Variants in SLC35D2 observed in about 807,000 individuals in gnomAD.
The protein encoded by SLC35D2 is nucleotide sugar transporter SLC35D2.
In SLC35D2, 43 loss-of-function variants were observed where a neutral mutation model predicts 41.8. The ratio of observed to expected loss-of-function variants is 1.03; its 90% CI spans 0.81 to 1.33. The LOEUF is 1.33. Among genes scored for constraint, SLC35D2 ranks in the 40% most tolerant of loss-of-function variants. The pLI is 0.00. For missense variants in SLC35D2, 380 were observed against 408.4 expected, an observed-to-expected ratio of 0.93 and a Z score of 0.60; for synonymous variants, 150 against 163.9, an observed-to-expected ratio of 0.92 and a Z score of 0.65.
Position 96,360,215 on chromosome 9 carries a change from G to GA in SLC35D2, c.285dup (p.Pro96SerfsTer19). 6.2e-7 allele frequency: 1 copy of GA among 1,609,928 alleles called. No homozygotes were observed. The highest frequency in any genetic ancestry group is 8.5e-7 in the Non-Finnish European group (1 of 1,177,542). ...TTTCCAACGTAGAGGAGAGGCAGAG[G>GA]AAACAGCTTCCATTAAAAAAAAAAG... is the stretch of plus-strand genomic sequence containing the variant. On this transcript the variant is annotated frameshift_variant, in exon 4 of 12. Coordinates refer to ENST00000253270, the MANE Select transcript of SLC35D2 (RefSeq NM_007001.3). LOFTEE classifies it high-confidence loss of function.
intron 2 of SLC35D2, among the ~76,000 whole-genome samples, chr9:96,365,648 C>G (rs929122524): frequency 6.6e-6 from 1 of 151,912 alleles, no homozygotes; most frequent in Non-Finnish European, 1.5e-5. Flanking sequence ...AGAAGACCAA[C>G]AAAGAGGAAA....
chr9:96,326,720 T>A (rs1828548087), intron 9 of SLC35D2, among the ~76,000 whole-genome samples: 1 of 151,134 alleles, frequency 6.6e-6, no homozygotes, highest in Non-Finnish European at 1.5e-5. Flanking sequence ...GCAGGAGAAT[T>A]GCTTGAGCCT....
chr9:96,350,126 C>A (rs1461545042), intron 6 of SLC35D2, among the ~76,000 whole-genome samples: 2 of 152,056 alleles, frequency 1.3e-5, no homozygotes, highest in African/African-American at 4.8e-5. Context: ...AAGTAATAAA[C>A]CTTAGTCTAC....
intron 6 of SLC35D2, among the ~76,000 whole-genome samples, chr9:96,350,251 A>G (rs1347272197): frequency 1.3e-5 from 2 of 151,178 alleles, no homozygotes; most frequent in African/African-American, 4.9e-5. Flanking sequence ...GCTCACTGCA[A>G]CCTCAAACTC....
chr9:96,382,496 C>A (rs866899734), intron 1 of SLC35D2, among the ~76,000 whole-genome samples: 2,174 of 127,774 alleles, frequency 0.017, 27 homozygotes, highest in Middle Eastern at 0.077. Context: ...CACACACACA[C>A]TATATATATA....
intron 8 of SLC35D2, among the ~76,000 whole-genome samples, chr9:96,341,263 G>T (rs1829313355): frequency 6.6e-6 from 1 of 151,944 alleles, no homozygotes; most frequent in Non-Finnish European, 1.5e-5. Flanking sequence ...CTCCAGCCTG[G>T]GTGACAGAGT....
intron 9 of SLC35D2, among the ~76,000 whole-genome samples, chr9:96,330,372 C>T (rs542213700): frequency 1.3e-5 from 2 of 152,284 alleles, no homozygotes; most frequent in Admixed American, 1.3e-4. Flanking sequence ...TTCCTTAATC[C>T]AGTCGAATTG....
Position 96,349,010 on chromosome 9 carries a change from G to A in SLC35D2, c.488+2093C>T, listed in dbSNP as rs576754360. Among the ~76,000 whole-genome samples the A allele has an allele frequency of 5.9e-4, 90 of 152,300 alleles. 1 individual carries two copies. The highest frequency in any genetic ancestry group is 2.1e-3 in the African/African-American group (87 of 41,570). On this transcript the variant is annotated intron_variant, in intron 6 of 11. Coordinates refer to ENST00000253270, the MANE Select transcript of SLC35D2 (RefSeq NM_007001.3). ...GAAGCTAGAAGAGAGGGGCTGTGCCGGGGAGACCTCAGAGTGCTATGGGAG... is the reference window on the plus strand; with the variant it reads ...GAAGCTAGAAGAGAGGGGCTGTGCCAGGGAGACCTCAGAGTGCTATGGGAG...
intron 9 of SLC35D2, among the ~76,000 whole-genome samples, chr9:96,335,914 G>A (rs1024978753): frequency 6.6e-6 from 1 of 151,934 alleles, no homozygotes; most frequent in African/African-American, 2.4e-5. Flanking sequence ...TTAGCCAAGT[G>A]TGGTGGTGCA....
chr9:96,339,827 C>T (rs1250701858), intron 8 of SLC35D2, among the ~76,000 whole-genome samples: 1 of 152,178 alleles, frequency 6.6e-6, no homozygotes, highest in Non-Finnish European at 1.5e-5. Flanking sequence ...AATTGAGGCA[C>T]TGTTAATAGA....
chr9:96,372,050 G>C (rs1830721737), intron 1 of SLC35D2, among the ~76,000 whole-genome samples: 1 of 152,198 alleles, frequency 6.6e-6, no homozygotes, highest in South Asian at 2.1e-4. Context: ...TTTCATACAT[G>C]CATGCTATGG....
At chr9:96,358,267 A>G (rs540297031) in intron 4 of SLC35D2, among the ~76,000 whole-genome samples, 66 of 151,794 alleles carry the variant, frequency 4.3e-4, no homozygotes, top group African/African-American at 1.4e-3. Flanking sequence ...GAGTAGGCAA[A>G]TTTGTAGAGA....
Position 96,376,389 on chromosome 9 carries a change from G to A in SLC35D2, c.158+7088C>T, listed in dbSNP as rs181213350. Among the ~76,000 whole-genome samples, 916 of 151,174 alleles carry A rather than the reference G, an allele frequency of 6.1e-3. 2 individuals carry two copies. Among genetic ancestry groups the A allele is most frequent in the Non-Finnish European group, 9.9e-3 (668 of 67,778 alleles). On this transcript the variant is annotated intron_variant, in intron 1 of 11. Transcript: ENST00000253270. Reference sequence around the variant, plus strand: ...TGGGAGGCCAAGGAGGGTGGATCACGAGGTCAGGAGTTCGAGACCAGCCTG... The same window carrying A: ...TGGGAGGCCAAGGAGGGTGGATCACAAGGTCAGGAGTTCGAGACCAGCCTG...
intron 9 of SLC35D2, among the ~76,000 whole-genome samples, chr9:96,328,593 T>C (rs1321844642): frequency 1.3e-5 from 2 of 152,202 alleles, no homozygotes; most frequent in Non-Finnish European, 2.9e-5. Flanking sequence ...CAAAGCCTTC[T>C]TCTTCCTGTT....
At chr9:96,339,060 G>A (rs1396008557) in intron 8 of SLC35D2, among the ~76,000 whole-genome samples, 3 of 152,064 alleles carry the variant, frequency 2.0e-5, no homozygotes, top group East Asian at 3.8e-4. Context: ...AATCCATTGA[G>A]GGCTATTTTG....
intron 8 of SLC35D2, among the ~76,000 whole-genome samples, chr9:96,337,981 C>CAAAAAA (rs67714645): frequency 5.9e-5 from 2 of 33,900 alleles, no homozygotes; most frequent in Admixed American, 2.9e-4. Flanking sequence ...AACTCCACCT[C>CAAAAAA]AAAAAAAAAA....
chr9:96,381,600 C>T lies in SLC35D2; in HGVS notation c.158+1877G>A, dbSNP rs151185910. On this transcript the variant is annotated intron_variant, in intron 1 of 11. Transcript: ENST00000253270. ...CACTCCCTTTCCTGTTTTATTTTTT[C>T]CCCAGCACCTTGGTCACATCTGACA... 4.1e-3 allele frequency among the ~76,000 whole-genome samples: 619 copies of T among 152,282 alleles called. 4 individuals are homozygous for T. The highest frequency in any genetic ancestry group is 0.01 in the Middle Eastern group (3 of 294).
At chr9:96,316,858 G>A (rs1344166256), downstream of SLC35D2, among the ~76,000 whole-genome samples, 1 of 152,102 alleles carries the variant, frequency 6.6e-6, no homozygotes, top group African/African-American at 2.4e-5. Flanking sequence ...ATTAAAACAG[G>A]CCAGGTGTGG....
intron 10 of SLC35D2, among the ~76,000 whole-genome samples, chr9:96,322,568 C>T (rs1273588950): frequency 2.0e-5 from 3 of 152,064 alleles, no homozygotes; most frequent in Non-Finnish European, 2.9e-5. Flanking sequence ...TAAATAAATG[C>T]AGTAAATTAT....
Sources: gnomAD v4.1 joint callset for allele counts (sites outside exome capture counted in the v4.1 genomes callset) on GRCh38, gnomAD v4.1.1 for gene constraint, MANE v1.5 for transcripts, NCBI Gene and HGNC (gene_info 2026-07-23, HGNC 2026-07-21) for gene names.